OPN3: variants seen among roughly 807,000 people sequenced by gnomAD.
OPN3 encodes the protein opsin-3.
Under a neutral mutation model 33.8 loss-of-function variants are expected in OPN3, and 29 were observed. The ratio of observed to expected loss-of-function variants is 0.86; its 90% CI spans 0.64 to 1.17. OPN3 has a LOEUF of 1.17. Among genes scored for constraint, OPN3 ranks in the 50% most tolerant of loss-of-function variants. The pLI, the probability that OPN3 is intolerant of heterozygous loss-of-function variation, is 0.00. For missense variants in OPN3, 437 were observed against 514.1 expected (o/e 0.85, Z 1.45); for synonymous variants, 216 against 216.1 (o/e 1.00, Z 0.00).
At chr1:241,610,187 CA>C (rs1334222938) in intron 1 of OPN3, among the ~76,000 whole-genome samples, 7 of 152,234 alleles carry the variant, frequency 4.6e-5, no homozygotes, top group African/African-American at 1.7e-4. Context: ...GCCCAGGCTG[CA>C]AACTGCCCGG....
At chr1:241,606,169 A>G (rs1663823946) in intron 1 of OPN3, among the ~76,000 whole-genome samples, 1 of 152,200 alleles carries the variant, frequency 6.6e-6, no homozygotes, top group Non-Finnish European at 1.5e-5. Flanking sequence ...TGGATTCCAG[A>G]AACATTTAGC....
chr1:241,633,572 T>A, intron 1 of OPN3: 1 of 552,096 alleles, frequency 1.8e-6, no homozygotes, highest in Middle Eastern at 4.9e-4. Context: ...AGATTCTGGG[T>A]CATATAGCCC....
chr1:241,621,992 T>G (rs1230551024), intron 1 of OPN3, among the ~76,000 whole-genome samples: 1 of 152,198 alleles, frequency 6.6e-6, no homozygotes, highest in African/African-American at 2.4e-5. Context: ...GGCTTCAAAC[T>G]GTGGACTTTT....
At chr1:241,598,847 G>A (rs1663607797) in intron 2 of OPN3, among the ~76,000 whole-genome samples, 1 of 152,046 alleles carries the variant, frequency 6.6e-6, no homozygotes, top group African/African-American at 2.4e-5. Flanking sequence ...TAAGTTATAT[G>A]AATTATACTA....
At chr1:241,614,862 T>TCTGCCTATAGTCCCG (rs1573958274) in intron 1 of OPN3, among the ~76,000 whole-genome samples, 1 of 151,360 alleles carries the variant, frequency 6.6e-6, no homozygotes, top group Non-Finnish European at 1.5e-5. Context: ...CTTAGACTTT[T>TCTGCCTATAGTCCCG]TGACTTGCCT....
chr1:241,597,956 C>A lies in OPN3; in HGVS notation c.735G>T (p.Lys245Asn), dbSNP rs775475334. ...VEDLQTIQVI[K>N]ILKYEKKLAK... ...CCAGTTTCTTTTCATATTTTAAAAT[C>A]TTGATCACTTGAATTGTCTGAAGAT... Residue 245 changes from lysine (K) to asparagine (N), a missense_variant, in exon 3 of 4, where the codon AAG (lysine) becomes AAT (asparagine). Lys to Asn is a moderately conservative substitution (Grantham distance 94). Transcript: ENST00000366554. The A allele has an allele frequency of 1.2e-6, 2 of 1,613,696 alleles. No homozygotes were observed. The highest frequency in any genetic ancestry group is 1.3e-5 in the African/African-American group (1 of 74,956).
intron 2 of OPN3, among the ~76,000 whole-genome samples, chr1:241,603,971 AAG>A (rs1377341877): frequency 6.6e-6 from 1 of 152,216 alleles, no homozygotes; most frequent in Non-Finnish European, 1.5e-5. Flanking sequence ...CTTAAATTTT[AAG>A]AGTGTTGGAT....
At chr1:241,597,716 T>C (rs1233157511) in intron 3 of OPN3, 30 bp downstream of exon 3, 1 of 1,601,170 alleles carries the variant, frequency 6.2e-7, no homozygotes, top group Non-Finnish European at 8.5e-7. Flanking sequence ...ATGCCCAGGG[T>C]GAAAACAATC....
chr1:241,626,906 A>C (rs1388026494), intron 1 of OPN3, among the ~76,000 whole-genome samples: 1 of 152,182 alleles, frequency 6.6e-6, no homozygotes, highest in Non-Finnish European at 1.5e-5. Context: ...TAAACTATAA[A>C]ATGCCTAAAT....
At chr1:241,614,605 C>T (rs1664074220) in intron 1 of OPN3, among the ~76,000 whole-genome samples, 1 of 152,240 alleles carries the variant, frequency 6.6e-6, no homozygotes, top group African/African-American at 2.4e-5. Flanking sequence ...GGCTTACCTC[C>T]CCTCTGTTAT....
intron 2 of OPN3, 113 bp from the exon 3 acceptor site, chr1:241,598,110 G>C: frequency 1.7e-6 from 2 of 1,192,158 alleles, no homozygotes; most frequent in Non-Finnish European, 2.3e-6. Context: ...AATGGAAAGA[G>C]AACTGAATGG....
At chr1:241,612,809 C>T (rs1166788570) in intron 1 of OPN3, among the ~76,000 whole-genome samples, 3 of 152,184 alleles carry the variant, frequency 2.0e-5, no homozygotes, top group East Asian at 1.9e-4. Flanking sequence ...AATGCAGTTT[C>T]CACATCCTGA....
intron 1 of OPN3, among the ~76,000 whole-genome samples, chr1:241,609,232 C>T (rs750768582): frequency 2.6e-5 from 4 of 152,128 alleles, no homozygotes; most frequent in Non-Finnish European, 4.4e-5. Flanking sequence ...AACTGGGTGC[C>T]GGTTATGCAC....
chr1:241,607,679 A>C (rs1663874944), intron 1 of OPN3, among the ~76,000 whole-genome samples: 3 of 149,932 alleles, frequency 2.0e-5, no homozygotes, highest in Admixed American at 1.3e-4. Flanking sequence ...AAAGGAAGAA[A>C]GAGAGAAAGG....
At chr1:241,635,837 T>C in intron 1 of OPN3, 1 of 1,440,046 alleles carries the variant, frequency 6.9e-7, no homozygotes, top group Non-Finnish European at 9.4e-7. Flanking sequence ...TGTAATAAAA[T>C]CTGTCCTTCT....
At position 241,635,313 on chromosome 1, in the gene OPN3, C is replaced by T. The variant is rs200195721; in HGVS notation, c.373+4569G>A. ...TTCTGAGTGTGTTTTGCAGGCATTTCGTCGCTATTAAAATACGATAACTGG... is the reference window on the plus strand; with the variant it reads ...TTCTGAGTGTGTTTTGCAGGCATTTTGTCGCTATTAAAATACGATAACTGG... On this transcript the variant is annotated intron_variant, in intron 1 of 3. Transcript: ENST00000366554. 1.7e-5 allele frequency: 27 copies of T among 1,613,908 alleles called. No individual in the cohort carries two copies. The East Asian group carries it at 2.5e-4, about 15-fold the overall frequency.
rs1663770906 is a variant in OPN3 at position 241,604,518 on chromosome 1, A to G, written c.435T>C (p.His145=). The G allele has an allele frequency of 4.3e-6, 7 of 1,614,074 alleles. No individual in the cohort carries two copies. The highest frequency in any genetic ancestry group is 3.3e-4 in the Middle Eastern group (2 of 6,082). ...CCCAGGAAAAATTGATCACTCTGGC[A>G]TGGACCACGCGAATGTAACGTTCAT... ...LAYERYIRVV[H]ARVINFSWAW... The change falls in exon 2 of 4, where the codon CAT becomes CAC. Residue 145 remains histidine, a synonymous_variant. Coordinates refer to ENST00000366554, the MANE Select transcript of OPN3 (RefSeq NM_014322.3).
At chr1:241,612,177 A>G (rs1323030085) in intron 1 of OPN3, among the ~76,000 whole-genome samples, 1 of 152,206 alleles carries the variant, frequency 6.6e-6, no homozygotes, top group Non-Finnish European at 1.5e-5. Flanking sequence ...ATTTTGAACA[A>G]TATCTGGATG....
At chr1:241,615,995 C>G (rs1369488155) in intron 1 of OPN3, 1 of 456,338 alleles carries the variant, frequency 2.2e-6, no homozygotes, top group Non-Finnish European at 4.4e-6. Flanking sequence ...GGCCAAGAGA[C>G]AGGAAGAAGC....
Sources: allele counts gnomAD v4.1 joint callset (sites outside exome capture counted in the v4.1 genomes callset), GRCh38; gene constraint gnomAD v4.1.1; transcripts MANE v1.5; gene names NCBI Gene and HGNC (gene_info 2026-07-23, HGNC 2026-07-21).